The following WASF1 variants were observed in gnomAD, a reference collection of about 807,000 sequenced individuals.
The protein encoded by WASF1 is WASP family member 1.
Under a neutral mutation model 50.5 loss-of-function variants are expected in WASF1, and 7 were observed. The observed-to-expected ratio is 0.14, with a 90% confidence interval of 0.08 to 0.26. The LOEUF (loss-of-function observed/expected upper bound fraction) is 0.26, where lower values mean the gene tolerates loss of function less well. WASF1 is among the 10% of genes least tolerant of loss of function. The pLI is 1.00. For missense variants in WASF1, 470 were observed against 694.7 expected, an observed-to-expected ratio of 0.68 and a Z score of 3.64; for synonymous variants, 205 against 244.0, an observed-to-expected ratio of 0.84 and a Z score of 1.49.
chr6:110,170,996 A>G (rs1457469617), intron 2 of WASF1, among the ~76,000 whole-genome samples: 2 of 152,310 alleles, frequency 1.3e-5, no homozygotes, highest in African/African-American at 4.8e-5. Context: ...ACAGCTAGAG[A>G]TATCAACATC....
intron 3 of WASF1, among the ~76,000 whole-genome samples, chr6:110,146,462 AGAT>A (rs1360098532): frequency 2.0e-5 from 3 of 151,930 alleles, no homozygotes; most frequent in African/African-American, 7.2e-5. Context: ...TAATTGTGAC[AGAT>A]ATTATTAAAT....
rs1237857806 is a variant in WASF1 at position 110,101,622 on chromosome 6, A to G, written c.1488T>C (p.Asp496=). The part of the protein sequence containing the change: ...RHPSTLPVIS[D]ARSVLLEAIR... ...TTGCTTCCAGTAGCACACTCCTGGCATCACTGATTACAGGTAGGGTTGATG... is the reference window on the plus strand; with the variant it reads ...TTGCTTCCAGTAGCACACTCCTGGCGTCACTGATTACAGGTAGGGTTGATG... The change falls in exon 10 of 11, where the codon GAT becomes GAC. Residue 496 remains aspartate (D), a synonymous_variant. Transcript: ENST00000392589. 1.9e-6 allele frequency: 3 copies of G among 1,613,936 alleles called. No homozygotes were observed. The highest frequency in any genetic ancestry group is 2.2e-5 in the South Asian group (2 of 91,066).
intron 3 of WASF1, among the ~76,000 whole-genome samples, chr6:110,153,470 A>G (rs1562184708): frequency 6.6e-6 from 1 of 152,206 alleles, no homozygotes; most frequent in African/African-American, 2.4e-5. Flanking sequence ...ATTTAAAAGA[A>G]GCCATAGATT....
intron 3 of WASF1, among the ~76,000 whole-genome samples, chr6:110,148,962 CA>C (rs1775702444): frequency 6.6e-6 from 1 of 152,096 alleles, no homozygotes; most frequent in African/African-American, 2.4e-5. Flanking sequence ...TATAGTCAGC[CA>C]AAAACTGAAA....
intron 2 of WASF1, among the ~76,000 whole-genome samples, chr6:110,177,691 A>G (rs1003299461): frequency 6.6e-6 from 1 of 152,056 alleles, no homozygotes; most frequent in Non-Finnish European, 1.5e-5. Flanking sequence ...TACACCATCA[A>G]CTTATATTAT....
chr6:110,131,335 G>A (rs1428728087), intron 3 of WASF1, among the ~76,000 whole-genome samples: 1 of 152,142 alleles, frequency 6.6e-6, no homozygotes, highest in Non-Finnish European at 1.5e-5. Flanking sequence ...GTGTGATGTA[G>A]CAGTTAGGTT....
chr6:110,141,229 T>C (rs951772561), intron 3 of WASF1, among the ~76,000 whole-genome samples: 13 of 151,964 alleles, frequency 8.6e-5, no homozygotes, highest in South Asian at 4.1e-4. Context: ...AAACATAATA[T>C]ACAAGGTTCT....
chr6:110,122,037 G>T (rs1774157502), intron 4 of WASF1, among the ~76,000 whole-genome samples: 1 of 151,856 alleles, frequency 6.6e-6, no homozygotes, highest in African/African-American at 2.4e-5. Flanking sequence ...TCTGTCGGAG[G>T]GTCGGGGGCT....
At chr6:110,115,354 G>A (rs565383694) in intron 4 of WASF1, among the ~76,000 whole-genome samples, 1 of 152,124 alleles carries the variant, frequency 6.6e-6, no homozygotes, top group East Asian at 1.9e-4. Context: ...CTATAAAGCT[G>A]CTAACCTCAA....
At chr6:110,165,903 G>C (rs1776457360) in intron 2 of WASF1, among the ~76,000 whole-genome samples, 1 of 151,670 alleles carries the variant, frequency 6.6e-6, no homozygotes, top group East Asian at 1.9e-4. Context: ...CACCCTTCTA[G>C]CTCCCTTTAT....
intron 5 of WASF1, among the ~76,000 whole-genome samples, chr6:110,108,912 A>G (rs1773439531): frequency 6.6e-6 from 1 of 152,152 alleles, no homozygotes; most frequent in Non-Finnish European, 1.5e-5. Flanking sequence ...TTGATTTTGA[A>G]GGCTCAGAGG....
chr6:110,164,471 A>G (rs923289631), intron 2 of WASF1, among the ~76,000 whole-genome samples: 1 of 151,716 alleles, frequency 6.6e-6, no homozygotes, highest in Non-Finnish European at 1.5e-5. Context: ...GCTCAACATC[A>G]TGCATCATGT....
intron 4 of WASF1, among the ~76,000 whole-genome samples, chr6:110,116,230 T>C (rs759711773): frequency 8.5e-5 from 13 of 152,170 alleles, no homozygotes; most frequent in Non-Finnish European, 1.3e-4. Flanking sequence ...GGCGAGGCAT[T>C]GCCTCACCCA....
At chr6:110,166,749 G>A (rs190991641) in intron 2 of WASF1, among the ~76,000 whole-genome samples, 2 of 152,012 alleles carry the variant, frequency 1.3e-5, no homozygotes, top group Non-Finnish European at 2.9e-5. Context: ...TTTACAAACT[G>A]TGCAAAGAAT....
intron 3 of WASF1, among the ~76,000 whole-genome samples, chr6:110,159,034 C>T (rs559773711): frequency 3.3e-5 from 5 of 152,016 alleles, no homozygotes; most frequent in Admixed American, 2.0e-4. Context: ...TCCATGCTTA[C>T]ATCTTGTCTA....
chr6:110,100,735 TATTAA>T (rs1447810745), intron 10 of WASF1, 56 bp from the exon 11 acceptor site: 3 of 1,412,218 alleles, frequency 2.1e-6, no homozygotes, highest in East Asian at 5.4e-5. Context: ...TACTAGATAT[TATTAA>T]TATTTCTGGA....
chr6:110,154,082 T>C (rs1036709314), intron 3 of WASF1, among the ~76,000 whole-genome samples: 1 of 152,114 alleles, frequency 6.6e-6, no homozygotes, highest in Non-Finnish European at 1.5e-5. Context: ...CTTTTCTATA[T>C]CTGAAACCAT....
chr6:110,131,265 ATC>A (rs1774655868), intron 3 of WASF1, among the ~76,000 whole-genome samples: 1 of 152,122 alleles, frequency 6.6e-6, no homozygotes, highest in African/African-American at 2.4e-5. Flanking sequence ...CTTTCACTTT[ATC>A]TCTTAGCTTT....
intron 3 of WASF1, among the ~76,000 whole-genome samples, chr6:110,130,532 T>C (rs1203972813): frequency 2.6e-5 from 4 of 152,230 alleles, no homozygotes; most frequent in Admixed American, 2.6e-4. Context: ...GTAACATTCA[T>C]CCATACTGCT....
Sources: gnomAD v4.1 joint callset for allele counts (sites outside exome capture counted in the v4.1 genomes callset) on GRCh38, gnomAD v4.1.1 for gene constraint, MANE v1.5 for transcripts, NCBI Gene and HGNC (gene_info 2026-07-23, HGNC 2026-07-21) for gene names.